The following CASR variants were observed in gnomAD, a reference collection of about 807,000 sequenced individuals.
The protein encoded by CASR is calcium sensing receptor, also known as extracellular calcium-sensing receptor.
In CASR, 23 loss-of-function variants were observed where a neutral mutation model predicts 69.1. That is an observed-to-expected ratio of 0.33 (90% CI 0.24 to 0.47). CASR has a LOEUF of 0.47. Ranked by LOEUF, CASR falls within the 20% of genes least tolerant of loss-of-function variation. The pLI is 1.00. For missense variants in CASR, 924 were observed against 1,356.1 expected (o/e 0.68, Z 5.00); for synonymous variants, 541 against 544.7 (o/e 0.99, Z 0.10).
At position 122,282,815 on chromosome 3, in the gene CASR, C is replaced by A. The variant is rs538824979; in HGVS notation, c.1732+579C>A. The stretch of plus-strand genomic sequence containing the variant: ...TTGATATTATCTCATGTTATCCTCA[C>A]CCCAGTGATGGGGTTATTGCTGCTC... On this transcript the variant is annotated intron_variant, in intron 6 of 6. Transcript: ENST00000639785. Among the ~76,000 whole-genome samples the A allele has an allele frequency of 5.9e-5, 9 of 152,290 alleles. No homozygotes were observed. The South Asian group carries it at 1.9e-3, about 32-fold the overall frequency.
chr3:122,283,724 G>A lies in CASR; in HGVS notation c.1770G>A (p.Trp590Ter), dbSNP rs1270383585. The A allele has an allele frequency of 6.2e-7, 1 of 1,613,984 alleles. No individual in the cohort carries two copies. Among genetic ancestry groups the A allele is most frequent in the Non-Finnish European group, 8.5e-7 (1 of 1,180,028 alleles). Residue 590 changes from tryptophan (W) to a stop codon, truncating the protein, a stop_gained, in exon 7 of 7, where the codon TGG becomes TGA. Transcript: ENST00000639785. LOFTEE classifies it high-confidence loss of function. ...SACNKCPDDF[W>*]SNENHTSCIA... ...GTAACAAGTGCCCAGATGACTTCTG[G>A]TCCAATGAGAACCACACCTCCTGCA...
intron 4 of CASR, among the ~76,000 whole-genome samples, chr3:122,266,195 T>A (rs2074691583): frequency 6.6e-6 from 1 of 151,952 alleles, no homozygotes; most frequent in Admixed American, 6.6e-5. Flanking sequence ...TGATTTCCAT[T>A]TATGCTTATA....
intron 1 of CASR, among the ~76,000 whole-genome samples, chr3:122,211,683 G>C (rs2074068038): frequency 6.6e-6 from 1 of 152,150 alleles, no homozygotes; most frequent in South Asian, 2.1e-4. Flanking sequence ...CCTCCAGCCT[G>C]GGTAACAGAG....
At chr3:122,186,823 G>T (rs1352105672) in intron 1 of CASR, among the ~76,000 whole-genome samples, 1 of 152,156 alleles carries the variant, frequency 6.6e-6, no homozygotes, top group Non-Finnish European at 1.5e-5. Flanking sequence ...TATCCACTAG[G>T]AATGGTGTTT....
intron 1 of CASR, among the ~76,000 whole-genome samples, chr3:122,249,013 C>T (rs977106315): frequency 2.6e-5 from 4 of 152,230 alleles, no homozygotes; most frequent in African/African-American, 9.6e-5. Flanking sequence ...ATGGAGAAGC[C>T]TCTGCCTACA....
intron 5 of CASR, among the ~76,000 whole-genome samples, chr3:122,281,079 G>A (rs1435792578): frequency 6.6e-6 from 1 of 152,250 alleles, no homozygotes; most frequent in East Asian, 1.9e-4. Flanking sequence ...TCTTGAAATG[G>A]TGAAGCAATG....
chr3:122,200,893 G>A (rs16832787), intron 1 of CASR, among the ~76,000 whole-genome samples: 30,989 of 151,764 alleles, frequency 0.2, 3,964 homozygotes, highest in Admixed American at 0.39. Context: ...AAATTGTTGC[G>A]GTTTCAATTC....
chr3:122,254,148 T>C lies in CASR; in HGVS notation c.-42T>C. 3 of 1,605,002 alleles carry C rather than the reference T, an allele frequency of 1.9e-6. No homozygotes were observed. The highest frequency in any genetic ancestry group is 2.6e-6 in the Non-Finnish European group (3 of 1,173,622). On this transcript the variant is annotated 5_prime_UTR_variant, in exon 2 of 7. Coordinates refer to ENST00000639785, the MANE Select transcript of CASR (RefSeq NM_000388.4). ...GAGAAACTTCTGGGAGCCTCCAAAC[T>C]CCTAGCTGTCTCATCCCTTGCCCTG...
At chr3:122,220,693 G>T (rs1441763913) in intron 1 of CASR, among the ~76,000 whole-genome samples, 3 of 152,216 alleles carry the variant, frequency 2.0e-5, no homozygotes, top group Non-Finnish European at 4.4e-5. Context: ...AGGACTTTGT[G>T]CTGGGCATGG....
intron 1 of CASR, among the ~76,000 whole-genome samples, chr3:122,232,839 C>T (rs1160592555): frequency 1.3e-5 from 2 of 152,162 alleles, no homozygotes; most frequent in Non-Finnish European, 2.9e-5. Context: ...CAACCTGGAT[C>T]TGGGTGGTCC....
intron 1 of CASR, among the ~76,000 whole-genome samples, chr3:122,224,011 C>A (rs1413996556): frequency 6.6e-6 from 1 of 152,136 alleles, no homozygotes; most frequent in Non-Finnish European, 1.5e-5. Context: ...AAAAAACCCT[C>A]ACCAAATTAG....
chr3:122,290,211 C>T lies in CASR; in HGVS notation c.*5020C>T, dbSNP rs1406734510. The T allele has an allele frequency of 2.0e-5, 3 of 151,796 alleles. No individual in the cohort carries two copies. Among genetic ancestry groups the T allele is most frequent in the East Asian group, 1.9e-4 (1 of 5,182 alleles). 9.4% of individuals were successfully genotyped at this position (151,796 alleles called of 1,614,324 possible). A position where few individuals can be genotyped will look rare whatever the true frequency, so the allele number is the denominator to read the frequency against. ...AACTAGATAGCGCAGGAAGTTAGAACAAATAAAAGCAGCAAACTCTGTGAC... is the reference window on the plus strand; with the variant it reads ...AACTAGATAGCGCAGGAAGTTAGAATAAATAAAAGCAGCAAACTCTGTGAC... On this transcript the variant is annotated 3_prime_UTR_variant, in exon 7 of 7. Transcript: ENST00000639785.
chr3:122,235,268 A>G (rs921256634), intron 1 of CASR, among the ~76,000 whole-genome samples: 3 of 152,210 alleles, frequency 2.0e-5, no homozygotes, highest in Non-Finnish European at 2.9e-5. Flanking sequence ...GGTAGACGCA[A>G]ATGATAACCA....
intron 1 of CASR, among the ~76,000 whole-genome samples, chr3:122,212,012 G>A (rs2074072432): frequency 1.3e-5 from 2 of 152,102 alleles, no homozygotes; most frequent in South Asian, 4.1e-4. Flanking sequence ...ATCCCTCAAA[G>A]ACCTAGAACG....
intron 1 of CASR, among the ~76,000 whole-genome samples, chr3:122,231,624 C>T (rs1318722599): frequency 1.3e-5 from 2 of 152,128 alleles, no homozygotes; most frequent in Non-Finnish European, 2.9e-5. Flanking sequence ...TCGTGCTAGT[C>T]ACTTAACCTT....
chr3:122,279,373 T>C (rs1447117646), intron 5 of CASR, among the ~76,000 whole-genome samples: 1 of 152,178 alleles, frequency 6.6e-6, no homozygotes, highest in African/African-American at 2.4e-5. Flanking sequence ...GATGATAATA[T>C]AATCTTGATA....
At chr3:122,217,273 G>A (rs1172762692) in intron 1 of CASR, among the ~76,000 whole-genome samples, 5 of 151,814 alleles carry the variant, frequency 3.3e-5, no homozygotes, top group Non-Finnish European at 5.9e-5. Context: ...TAATTTTTTT[G>A]TAGTTTTTTG....
At chr3:122,189,533 C>T (rs2073820326) in intron 1 of CASR, among the ~76,000 whole-genome samples, 1 of 152,094 alleles carries the variant, frequency 6.6e-6, no homozygotes, top group South Asian at 2.1e-4. Flanking sequence ...CTGTTTTCCT[C>T]CACCCTCAGT....
In CASR at chr3:122,261,901, C is replaced by G. The variant is rs755840531; in HGVS notation, c.866C>G (p.Thr289Arg). The G allele has an allele frequency of 6.2e-7, 1 of 1,614,210 alleles. No individual in the cohort carries two copies. Among genetic ancestry groups the G allele is most frequent in the Non-Finnish European group, 8.5e-7 (1 of 1,180,030 alleles). ...LIKEIVRRNI[T>R]GKIWLASEAW... ...AAGGAGATTGTCCGGCGCAATATCACGGGCAAGATCTGGCTGGCCAGCGAG... is the reference window on the plus strand; with the variant it reads ...AAGGAGATTGTCCGGCGCAATATCAGGGGCAAGATCTGGCTGGCCAGCGAG... Residue 289 changes from threonine to arginine, a missense_variant, in exon 4 of 7, where the codon ACG becomes AGG. By Grantham distance (71) the Thr-to-Arg change is moderately conservative. Around this residue, in one of 8 missense-constraint regions of CASR, gnomAD observed 310 missense variants for 395.7 expected, o/e 0.78. Transcript: ENST00000639785.
Sources: gnomAD v4.1 joint callset for allele counts (sites outside exome capture counted in the v4.1 genomes callset) on GRCh38, gnomAD v4.1.1 for gene constraint, gnomAD v4.1.1 regional missense constraint, MANE v1.5 for transcripts, NCBI Gene and HGNC (gene_info 2026-07-23, HGNC 2026-07-21) for gene names.